SKAP1: variants seen among roughly 807,000 people sequenced by gnomAD.
SKAP1 encodes src kinase associated phosphoprotein 1, also known as src kinase-associated phosphoprotein 1.
SKAP1 carries 44 observed loss-of-function variants against 58.5 expected under a neutral mutation model. That is an observed-to-expected ratio of 0.75 (90% CI 0.59 to 0.97). The LOEUF (loss-of-function observed/expected upper bound fraction) is 0.97, where lower values mean the gene tolerates loss of function less well. Ranked by LOEUF, SKAP1 falls within the 50% of genes least tolerant of loss-of-function variation. SKAP1 has a pLI of 0.00. For synonymous variants in SKAP1, 127 were observed against 149.7 expected, an observed-to-expected ratio of 0.85 and a Z score of 1.11; for missense variants, 390 against 435.2, an observed-to-expected ratio of 0.90 and a Z score of 0.92.
chr17:48,150,522 A>C (rs2063889318), intron 11 of SKAP1, among the ~76,000 whole-genome samples: 2 of 152,168 alleles, frequency 1.3e-5, no homozygotes, highest in African/African-American at 4.8e-5. Flanking sequence ...TGTTTGTGTA[A>C]AGTACAGTGA....
intron 9 of SKAP1, among the ~76,000 whole-genome samples, chr17:48,171,518 T>C (rs1314871149): frequency 6.6e-6 from 1 of 152,158 alleles, no homozygotes; most frequent in Non-Finnish European, 1.5e-5. Flanking sequence ...ATGCAAGACA[T>C]TGCACTAGGA....
intron 4 of SKAP1, among the ~76,000 whole-genome samples, chr17:48,290,932 G>C (rs1008904916): frequency 1.3e-5 from 2 of 152,112 alleles, no homozygotes; most frequent in African/African-American, 4.8e-5. Flanking sequence ...CTTGAGGCCA[G>C]GAGTTTGAGA....
At chr17:48,409,994 G>A (rs2067641390) in intron 1 of SKAP1, among the ~76,000 whole-genome samples, 1 of 152,192 alleles carries the variant, frequency 6.6e-6, no homozygotes, top group African/African-American at 2.4e-5. Flanking sequence ...GGGAAAAGGC[G>A]CTGACCTAAG....
intron 4 of SKAP1, among the ~76,000 whole-genome samples, chr17:48,204,871 A>G (rs1226875176): frequency 6.6e-6 from 1 of 152,166 alleles, no homozygotes; most frequent in Non-Finnish European, 1.5e-5. Flanking sequence ...AAGACCAACT[A>G]CTAAAATGTT....
At chr17:48,224,038 A>AGAAGAAGGAGG (rs1372629777) in intron 4 of SKAP1, among the ~76,000 whole-genome samples, 1,051 of 52,202 alleles carry the variant, frequency 0.02, 29 homozygotes, top group Non-Finnish European at 0.031. Context: ...GAGAGAGAAG[A>AGAAGAAGGAGG]AGGAGGAGGA....
chr17:48,347,636 C>T (rs1208698675), intron 3 of SKAP1, among the ~76,000 whole-genome samples: 1 of 152,142 alleles, frequency 6.6e-6, no homozygotes, highest in African/African-American at 2.4e-5. Flanking sequence ...ACACAATAGT[C>T]ATTGGCCAAA....
intron 2 of SKAP1, among the ~76,000 whole-genome samples, chr17:48,374,192 G>A (rs2067124816): frequency 6.9e-6 from 1 of 144,038 alleles, no homozygotes; most frequent in Non-Finnish European, 1.5e-5. Context: ...GCTCCACCAT[G>A]CCTGGCTAAT....
At chr17:48,253,016 A>G (rs1388550658) in intron 4 of SKAP1, among the ~76,000 whole-genome samples, 4 of 152,142 alleles carry the variant, frequency 2.6e-5, no homozygotes, top group Non-Finnish European at 5.9e-5. Context: ...ATTGAGTGAC[A>G]TCATTCTGGT....
chr17:48,343,239 T>G (rs935244663), intron 4 of SKAP1, among the ~76,000 whole-genome samples: 1 of 152,162 alleles, frequency 6.6e-6, no homozygotes, highest in Non-Finnish European at 1.5e-5. Flanking sequence ...AATGAATAAG[T>G]AGCATATCAA....
chr17:48,376,068 T>C (rs1334790879), intron 2 of SKAP1, among the ~76,000 whole-genome samples: 1 of 152,214 alleles, frequency 6.6e-6, no homozygotes, highest in African/African-American at 2.4e-5. Flanking sequence ...GATTACTGTA[T>C]TCTAAACTGT....
intron 4 of SKAP1, among the ~76,000 whole-genome samples, chr17:48,222,127 T>C (rs2143732217): frequency 6.6e-6 from 1 of 152,296 alleles, no homozygotes; most frequent in Middle Eastern, 3.4e-3. Context: ...ATTAAGTTGC[T>C]ACAGTTAGCT....
At chr17:48,400,614 GT>G (rs1567899739) in intron 1 of SKAP1, among the ~76,000 whole-genome samples, 1 of 151,906 alleles carries the variant, frequency 6.6e-6, no homozygotes, top group African/African-American at 2.4e-5. Flanking sequence ...GCCAGGCATG[GT>G]GGTGCACATC....
At chr17:48,182,591 A>G in intron 7 of SKAP1, 134 bp from the exon 8 acceptor site, 3 of 631,740 alleles carry the variant, frequency 4.7e-6, no homozygotes, top group Non-Finnish European at 8.2e-6. Flanking sequence ...CCTGCTTAAC[A>G]TATAGAAAAA....
intron 4 of SKAP1, among the ~76,000 whole-genome samples, chr17:48,270,430 A>G (rs940261598): frequency 4.6e-5 from 7 of 151,560 alleles, no homozygotes; most frequent in African/African-American, 1.7e-4. Context: ...TGCAACCTCC[A>G]CCTCCCGGGT....
At position 48,224,082 on chromosome 17, in the gene SKAP1, GGAGGAA is replaced by G. The variant is rs1365293590; in HGVS notation, c.281-34588_281-34583del. 8.7e-3 allele frequency among the ~76,000 whole-genome samples: 790 copies of G among 91,310 alleles called. 171 individuals are homozygous for G. The highest frequency in any genetic ancestry group is 0.015 in the African/African-American group (322 of 21,436). The allele number at this position is 91,310 out of a possible 152,430, so 59.9% of individuals were successfully genotyped here. A position where few individuals can be genotyped will look rare whatever the true frequency, so the allele number is the denominator to read the frequency against. On this transcript the variant is annotated intron_variant, in intron 4 of 12. Coordinates refer to ENST00000336915, the MANE Select transcript of SKAP1 (RefSeq NM_003726.4). ...AGGAGGAGGAGAAGGAGGAGGAGGA[GGAGGAA>G]GAGGAGGAGGAGGAGGAGGAGGAGG...
At chr17:48,413,523 A>AAAAAAAAAATATATATATATATAT in intron 1 of SKAP1, among the ~76,000 whole-genome samples, 1 of 105,454 alleles carries the variant, frequency 9.5e-6, no homozygotes, top group African/African-American at 4.3e-5. Context: ...TCAAAAAAAA[A>AAAAAAAAAATATATATATATATAT]ATATATATAT....
chr17:48,197,252 C>T (rs1364917782), intron 4 of SKAP1, among the ~76,000 whole-genome samples: 4 of 87,792 alleles, frequency 4.6e-5, no homozygotes, highest in African/African-American at 8.4e-5. Context: ...AGCGAGACTC[C>T]GACTCAAAAA....
intron 4 of SKAP1, among the ~76,000 whole-genome samples, chr17:48,194,327 A>G (rs958606699): frequency 5.3e-5 from 8 of 152,206 alleles, no homozygotes; most frequent in African/African-American, 1.9e-4. Flanking sequence ...AAAAAGCAAT[A>G]AAAAACGACA....
chr17:48,139,108 C>T (rs956581378), intron 11 of SKAP1, among the ~76,000 whole-genome samples: 3 of 148,632 alleles, frequency 2.0e-5, no homozygotes, highest in Non-Finnish European at 3.0e-5. Flanking sequence ...CTCGAATTCC[C>T]GACTTCGTGA....
Sources: allele counts gnomAD v4.1 joint callset (sites outside exome capture counted in the v4.1 genomes callset), GRCh38; gene constraint gnomAD v4.1.1; transcripts MANE v1.5; gene names NCBI Gene and HGNC (gene_info 2026-07-23, HGNC 2026-07-21).